MED23: variants seen among roughly 807,000 people sequenced by gnomAD.
MED23 encodes the protein mediator complex subunit 23, also known as mediator of RNA polymerase II transcription subunit 23.
A neutral mutation model predicts 163.9 loss-of-function variants in MED23; 105 were observed. The observed-to-expected ratio is 0.64, with a 90% confidence interval of 0.55 to 0.75. MED23 has a LOEUF of 0.75. Among genes scored for constraint, MED23 ranks in the 30% least tolerant of loss-of-function variants. MED23 has a pLI of 0.00. For synonymous variants in MED23, 561 were observed against 565.6 expected (o/e 0.99, Z 0.12); for missense variants, 1,054 against 1,649.0 (o/e 0.64, Z 6.25).
In MED23 at chr6:131,594,308, G is replaced by A; in HGVS notation, c.3023C>T (p.Thr1008Ile). The A allele has an allele frequency of 2.5e-6, 4 of 1,613,974 alleles. No individual in the cohort carries two copies. Among genetic ancestry groups the A allele is most frequent in the Non-Finnish European group, 3.4e-6 (4 of 1,179,848 alleles). The change falls in exon 23 of 29, where the codon ACT becomes ATT. Residue 1008 changes from threonine (T) to isoleucine (I), a missense_variant. This residue lies in a region of MED23 where 362 missense variants were observed against 471.6 expected (regional missense o/e 0.77). Transcript: ENST00000368068. ...HDRPVTYLYN[T>I]LHYYEMHLRD... ...CAGGTGCATTTCATAATAGTGCAGAGTGTTATACAGATAAGTCACTGGACG... is the reference window on the plus strand; with the variant it reads ...CAGGTGCATTTCATAATAGTGCAGAATGTTATACAGATAAGTCACTGGACG...
intron 30 of MED23, chr6:131,579,415 T>TA: frequency 9.4e-7 from 1 of 1,068,560 alleles, no homozygotes; most frequent in African/African-American, 1.6e-5. Context: ...TTTCTGCCTT[T>TA]AAAAAAATTT....
chr6:131,606,066 T>G (rs749112996), intron 13 of MED23, among the ~76,000 whole-genome samples: 22 of 152,184 alleles, frequency 1.4e-4, no homozygotes, highest in Non-Finnish European at 3.1e-4. Context: ...TTAAGGGGCA[T>G]GCCAGCCAGA....
At chr6:131,616,070 G>C (rs1442033847) in intron 9 of MED23, 68 bp from the exon 10 acceptor site, 1 of 1,324,780 alleles carries the variant, frequency 7.5e-7, no homozygotes, top group Non-Finnish European at 1.1e-6. Context: ...TATTAGAAAT[G>C]AGATTAAAAA....
At chr6:131,609,714 C>A (rs986164693) in intron 11 of MED23, among the ~76,000 whole-genome samples, 1 of 144,770 alleles carries the variant, frequency 6.9e-6, no homozygotes, top group African/African-American at 2.5e-5. Flanking sequence ...TATATGTACT[C>A]TATATATATA....
chr6:131,620,587 C>T (rs1777025290), intron 7 of MED23, 41 bp downstream of exon 7: 2 of 1,467,850 alleles, frequency 1.4e-6, no homozygotes, highest in East Asian at 2.3e-5. Flanking sequence ...CGAAGCCCAG[C>T]CGAAAATTTT....
chr6:131,574,640 G>A lies in MED23; in HGVS notation c.4096-345C>T, dbSNP rs76803965. The stretch of plus-strand genomic sequence containing the variant: ...TTTACACTAAGTCATAGAGTAGAGA[G>A]GATAAAATGGCCAACATATAAGTAT... On this transcript the variant is annotated intron_variant, in intron 30 of 30. Transcript: ENST00000354577. Among the ~76,000 whole-genome samples, 508 of 152,188 alleles carry A rather than the reference G, an allele frequency of 3.3e-3. 4 individuals are homozygous for A. The highest frequency in any genetic ancestry group is 0.012 in the African/African-American group (489 of 41,494).
chr6:131,621,024 A>G (rs1350879604), intron 6 of MED23, among the ~76,000 whole-genome samples: 1 of 152,106 alleles, frequency 6.6e-6, no homozygotes, highest in Non-Finnish European at 1.5e-5. Context: ...GCTGGTCTCT[A>G]ACAATGGGCT....
Position 131,615,503 on chromosome 6 carries a change from C to CAAAAAAAAAAAAAAAAAAAAA in MED23, c.876+383_876+403dup, listed in dbSNP as rs917020235. ...CCACCAAAAACAAGCAAACACACAC[C>CAAAAAAAAAAAAAAAAAAAAA]AAAAAAAAAAAAAAAAAAAAAAAAA... On this transcript the variant is annotated intron_variant, in intron 10 of 28. Transcript: ENST00000368068. Among the ~76,000 whole-genome samples the CAAAAAAAAAAAAAAAAAAAAA allele has an allele frequency of 5.6e-4, 8 of 14,160 alleles. 2 individuals are homozygous for CAAAAAAAAAAAAAAAAAAAAA. The highest frequency in any genetic ancestry group is 7.6e-4 in the Non-Finnish European group (6 of 7,938). The allele number at this position is 14,160 out of a possible 152,430, so 9.3% of individuals were successfully genotyped here. A position where few individuals can be genotyped will look rare whatever the true frequency, so the allele number is the denominator to read the frequency against.
chr6:131,596,601 G>A lies in MED23; in HGVS notation c.2695C>T (p.Arg899Ter), dbSNP rs866208594. 4 of 1,614,094 alleles carry A rather than the reference G, an allele frequency of 2.5e-6. No homozygotes were observed. Among genetic ancestry groups the A allele is most frequent in the Admixed American group, 1.7e-5 (1 of 60,016 alleles). ...TTTTCCTTCACAAAGTCACTTACTCGATTTCTAAAATCGTTTGGTTTGAGT... is the reference window on the plus strand; with the variant it reads ...TTTTCCTTCACAAAGTCACTTACTCAATTTCTAAAATCGTTTGGTTTGAGT... ...LLLKPNDFRN[R>*]VSDFVKENSP... Residue 899 changes from arginine (R) to a stop codon, truncating the protein, a stop_gained, in exon 21 of 29, where the codon CGA (arginine) becomes TGA (stop). Transcript: ENST00000368068. LOFTEE classifies it high-confidence loss of function.
chr6:131,627,727 C>T (rs1777622085), intron 1 of MED23, 55 bp from the exon 2 acceptor site: 3 of 1,514,630 alleles, frequency 2.0e-6, no homozygotes, highest in Admixed American at 3.7e-5. Context: ...AAAGGCGCCT[C>T]CCTTAGCCAA....
chr6:131,620,769 C>G, intron 6 of MED23, 40 bp from the exon 7 acceptor site: 1 of 1,192,926 alleles, frequency 8.4e-7, no homozygotes, highest in Non-Finnish European at 1.3e-6. Context: ...TTGACTAGTC[C>G]CACATATAAG....
At chr6:131,625,322 T>C (rs1388826189) in intron 3 of MED23, among the ~76,000 whole-genome samples, 1 of 152,226 alleles carries the variant, frequency 6.6e-6, no homozygotes, top group Non-Finnish European at 1.5e-5. Flanking sequence ...CAGTGCCCTT[T>C]ATGGCATATA....
intron 3 of MED23, among the ~76,000 whole-genome samples, chr6:131,625,611 T>A (rs1255365115): frequency 6.6e-6 from 1 of 152,204 alleles, no homozygotes; most frequent in African/African-American, 2.4e-5. Context: ...GTGGCACATA[T>A]AACAATGATT....
intron 30 of MED23, among the ~76,000 whole-genome samples, chr6:131,574,777 C>A (rs1448949781): frequency 6.6e-6 from 1 of 152,152 alleles, no homozygotes; most frequent in Non-Finnish European, 1.5e-5. Context: ...TGTCTCACCT[C>A]CTTGAAAGGC....
intron 30 of MED23, among the ~76,000 whole-genome samples, chr6:131,580,419 T>A (rs181201168): frequency 7.9e-5 from 12 of 152,350 alleles, no homozygotes; most frequent in African/African-American, 2.4e-4. Context: ...TAAAAGCTCA[T>A]GATTCTCTGA....
intron 30 of MED23, chr6:131,579,329 A>G (rs1562357039): frequency 6.2e-7 from 1 of 1,603,048 alleles, no homozygotes. Context: ...GCACAAAGGA[A>G]GTAACCAAGG....
chr6:131,598,659 C>T lies in MED23; in HGVS notation c.2323G>A (p.Asp775Asn). Residue 775 changes from aspartate (D) to asparagine (N), a missense_variant, in exon 19 of 29, where the codon GAC (aspartate) becomes AAC (asparagine). Around this residue, in one of 11 missense-constraint regions of MED23, gnomAD observed 228 missense variants for 461.3 expected, o/e 0.49. Transcript: ENST00000368068. This position sits in a 1 kb window ranked among gnomAD's most constrained non-coding sequence, Gnocchi z 4.7. Reference sequence around the variant, plus strand: ...TGCATAGAGAAGTGGGTAATAATGTCGTTTTCGTTGCTCATTGACTTCCAC... The same window carrying T: ...TGCATAGAGAAGTGGGTAATAATGTTGTTTTCGTTGCTCATTGACTTCCAC... ...RKWKSMSNEN[D>N]IITHFSMQGS... The T allele has an allele frequency of 1.2e-5, 19 of 1,614,034 alleles. No homozygotes were observed. The highest frequency in any genetic ancestry group is 1.5e-5 in the Non-Finnish European group (18 of 1,179,994).
intron 10 of MED23, among the ~76,000 whole-genome samples, chr6:131,615,066 C>CAAAA (rs5880072): frequency 2.9e-5 from 2 of 68,240 alleles, no homozygotes; most frequent in East Asian, 4.3e-4. Flanking sequence ...TCTTTGTTAC[C>CAAAA]AAAAAAAAAA....
chr6:131,590,383 T>C lies in MED23; in HGVS notation c.3746A>G (p.Tyr1249Cys). ...VKTEFQLLYV[Y>C]HLVGPFLQRF... ...TTGTAAAAATGGTCCAACAAGATGGTATACATAAAGCAACTGGAATTCGGT... is the reference window on the plus strand; with the variant it reads ...TTGTAAAAATGGTCCAACAAGATGGCATACATAAAGCAACTGGAATTCGGT... The change falls in exon 27 of 29, where the codon TAC becomes TGC. Residue 1249 changes from tyrosine to cysteine, a missense_variant. By Grantham distance (194) the Tyr-to-Cys change is radical. Transcript: ENST00000368068. The C allele has an allele frequency of 6.2e-7, 1 of 1,608,978 alleles. No homozygotes were observed. Among genetic ancestry groups the C allele is most frequent in the South Asian group, 1.1e-5 (1 of 90,950 alleles).
Sources: gnomAD v4.1 joint callset for allele counts (sites outside exome capture counted in the v4.1 genomes callset) on GRCh38, gnomAD v4.1.1 for gene constraint, gnomAD v4.1.1 regional missense constraint, Gnocchi (gnomAD v3.1) non-coding constraint, MANE v1.5 for transcripts, NCBI Gene and HGNC (gene_info 2026-07-23, HGNC 2026-07-21) for gene names.